IL1RAPL2: variants seen among roughly 807,000 people sequenced by gnomAD.
The protein encoded by IL1RAPL2 is X-linked interleukin-1 receptor accessory protein-like 2.
IL1RAPL2 carries 3 observed loss-of-function variants against 44.1 expected under a neutral mutation model. The ratio of observed to expected loss-of-function variants is 0.07; its 90% CI spans 0.03 to 0.18. The LOEUF is 0.18. Among genes scored for constraint, IL1RAPL2 ranks in the 10% least tolerant of loss-of-function variants. The pLI is 1.00. For synonymous variants in IL1RAPL2, 181 were observed against 178.8 expected (o/e 1.01, Z -0.10); for missense variants, 391 against 496.4 (o/e 0.79, Z 2.02).
intron 2 of IL1RAPL2, among the ~76,000 whole-genome samples, chrX:104,992,876 G>A (rs2030687330): frequency 9.0e-6 from 1 of 111,076 alleles, no homozygotes; most frequent in South Asian, 3.8e-4. Flanking sequence ...GCAAGAATAG[G>A]GAAAACTTAA....
At position 104,877,903 on chromosome X, in the gene IL1RAPL2, A is replaced by G. The variant is rs771800556; in HGVS notation, c.82+218908A>G. Among the ~76,000 whole-genome samples, 91 of 112,201 alleles carry G rather than the reference A, an allele frequency of 8.1e-4. 1 individual carries two copies. The highest frequency in any genetic ancestry group is 1.5e-4 in the Non-Finnish European group (8 of 53,217). On this transcript the variant is annotated intron_variant, in intron 2 of 10. Transcript: ENST00000372582. ...CTGGAAAAACTGAAGTAAGGCTTCA[A>G]ATAAATTTGGGAAAGATTTAGTAAA...
chrX:105,330,550 G>C (rs769192807), intron 5 of IL1RAPL2, among the ~76,000 whole-genome samples: 18 of 111,237 alleles, frequency 1.6e-4, no homozygotes, highest in African/African-American at 5.2e-4. Flanking sequence ...TCAATGCAAA[G>C]TGTCCAGAAC....
At chrX:105,244,291 A>G (rs1556212097) in intron 4 of IL1RAPL2, among the ~76,000 whole-genome samples, 1 of 111,385 alleles carries the variant, frequency 9.0e-6, no homozygotes, top group African/African-American at 3.3e-5. Flanking sequence ...GTTTTTTCCT[A>G]CTTAAGCATG....
chrX:104,983,708 A>T (rs1178304525), intron 2 of IL1RAPL2, among the ~76,000 whole-genome samples: 1 of 101,780 alleles, frequency 9.8e-6, no homozygotes, highest in Non-Finnish European at 2.0e-5. Flanking sequence ...TATTATATAC[A>T]TAATATTGTA....
intron 5 of IL1RAPL2, among the ~76,000 whole-genome samples, chrX:105,346,817 CTT>C (rs1320093903): frequency 8.9e-6 from 1 of 111,914 alleles, no homozygotes; most frequent in Non-Finnish European, 1.9e-5. Context: ...TAAAAAAAGA[CTT>C]TATTGTGTAA....
At chrX:105,616,188 A>C (rs1301592293) in intron 6 of IL1RAPL2, among the ~76,000 whole-genome samples, 1 of 111,906 alleles carries the variant, frequency 8.9e-6, no homozygotes, top group Non-Finnish European at 1.9e-5. Context: ...AATATTCTCA[A>C]ATGGTTCAGG....
At chrX:104,879,374 A>AAAAAAAAAAAAAAAT (rs1923000183) in intron 2 of IL1RAPL2, among the ~76,000 whole-genome samples, 1 of 103,405 alleles carries the variant, frequency 9.7e-6, no homozygotes, top group Non-Finnish European at 2.0e-5. Context: ...GTAAAAAAAA[A>AAAAAAAAAAAAAAAT]AAAAAAAAAA....
In IL1RAPL2 at chrX:105,283,020, C is replaced by T. The variant is rs559368621; in HGVS notation, c.697+15479C>T. 6.3e-5 allele frequency among the ~76,000 whole-genome samples: 7 copies of T among 111,208 alleles called. No homozygotes were observed. The East Asian group carries it at 1.4e-3, about 22-fold the overall frequency. On this transcript the variant is annotated intron_variant, in intron 5 of 10. Coordinates refer to ENST00000372582, the MANE Select transcript of IL1RAPL2 (RefSeq NM_017416.2). Reference sequence around the variant, plus strand: ...TGATGCTATTTAATTTACCTCCTGGCGAGCATATGAGGTGAAAGGTAAAAA... The same window carrying T: ...TGATGCTATTTAATTTACCTCCTGGTGAGCATATGAGGTGAAAGGTAAAAA...
At chrX:104,640,385 T>A (rs778261701) in intron 1 of IL1RAPL2, among the ~76,000 whole-genome samples, 1 of 112,133 alleles carries the variant, frequency 8.9e-6, no homozygotes, top group African/African-American at 3.2e-5. Context: ...ATTCATATCC[T>A]GAATTGGTTT....
At chrX:104,896,792 A>G (rs902695408) in intron 2 of IL1RAPL2, among the ~76,000 whole-genome samples, 19 of 111,344 alleles carry the variant, frequency 1.7e-4, no homozygotes, top group Non-Finnish European at 3.6e-4. Flanking sequence ...CTTTGGGTCC[A>G]CACTACCTTT....
At chrX:105,167,733 G>A (rs2033383768) in intron 2 of IL1RAPL2, among the ~76,000 whole-genome samples, 1 of 107,376 alleles carries the variant, frequency 9.3e-6, no homozygotes, top group African/African-American at 3.4e-5. Flanking sequence ...GGAGAGGCAG[G>A]GAAAGAACAT....
At chrX:105,368,923 GTCTTCCTGTCT>G (rs2035316162) in intron 5 of IL1RAPL2, among the ~76,000 whole-genome samples, 1 of 108,761 alleles carries the variant, frequency 9.2e-6, no homozygotes. Flanking sequence ...CCAGTGACCT[GTCTTCCTGTCT>G]TCTTCTGCTT....
chrX:105,625,512 A>C (rs2037447004), intron 6 of IL1RAPL2, among the ~76,000 whole-genome samples: 2 of 112,204 alleles, frequency 1.8e-5, no homozygotes, highest in African/African-American at 6.5e-5. Context: ...TAACATTTCC[A>C]GACTCACTTG....
intron 2 of IL1RAPL2, among the ~76,000 whole-genome samples, chrX:105,148,033 TTAGAG>T (rs1487738832): frequency 9.0e-6 from 1 of 111,192 alleles, no homozygotes; most frequent in African/African-American, 3.3e-5. Context: ...TTTCCTGTCT[TTAGAG>T]TAATCAAAGC....
At chrX:105,552,772 G>A (rs762369832) in intron 6 of IL1RAPL2, among the ~76,000 whole-genome samples, 1 of 111,730 alleles carries the variant, frequency 9.0e-6, no homozygotes, top group African/African-American at 3.3e-5. Context: ...CACAGATACA[G>A]TTACTTTAAC....
intron 6 of IL1RAPL2, among the ~76,000 whole-genome samples, chrX:105,527,100 C>T (rs1401708522): frequency 1.8e-5 from 2 of 111,113 alleles, no homozygotes; most frequent in African/African-American, 6.5e-5. Context: ...CAATATGCTG[C>T]CTCCTAGTCT....
chrX:104,870,761 G>A (rs1371277388), intron 2 of IL1RAPL2, among the ~76,000 whole-genome samples: 1 of 111,725 alleles, frequency 9.0e-6, no homozygotes. Context: ...TTCTGGAACT[G>A]TTCTATTCTG....
At chrX:104,917,301 G>A (rs926037776) in intron 2 of IL1RAPL2, among the ~76,000 whole-genome samples, 2 of 111,752 alleles carry the variant, frequency 1.8e-5, no homozygotes, top group Non-Finnish European at 3.8e-5. Flanking sequence ...GAATCTGAAA[G>A]GCTCAAAGTC....
At chrX:105,238,136 G>A (rs781807201) in intron 4 of IL1RAPL2, among the ~76,000 whole-genome samples, 1 of 112,089 alleles carries the variant, frequency 8.9e-6, no homozygotes, top group African/African-American at 3.2e-5. Context: ...CAAACAGCTG[G>A]ATTGGTTATA....
Sources: gnomAD v4.1 joint callset for allele counts (sites outside exome capture counted in the v4.1 genomes callset) on GRCh38, gnomAD v4.1.1 for gene constraint, MANE v1.5 for transcripts, NCBI Gene and HGNC (gene_info 2026-07-23, HGNC 2026-07-21) for gene names.